Variants in RIN3 observed in about 807,000 individuals in gnomAD.
The protein encoded by RIN3 is Ras and Rab interactor 3.
In RIN3, 54 loss-of-function variants were observed where a neutral mutation model predicts 76.3. The ratio of observed to expected loss-of-function variants is 0.71; its 90% CI spans 0.57 to 0.89. RIN3 has a LOEUF of 0.89. Ranked by LOEUF, RIN3 falls within the 40% of genes least tolerant of loss-of-function variation. The pLI is 0.00. For missense variants in RIN3, 1,256 were observed against 1,322.1 expected (o/e 0.95, Z 0.78); for synonymous variants, 576 against 564.0 (o/e 1.02, Z -0.30).
chr14:92,641,354 G>T (rs572381629), intron 5 of RIN3, 25 bp downstream of exon 5: 2 of 1,569,658 alleles, frequency 1.3e-6, no homozygotes, highest in South Asian at 2.2e-5. Flanking sequence ...AGGGGTTAGG[G>T]GAGCTGGTGG....
intron 1 of RIN3, among the ~76,000 whole-genome samples, chr14:92,517,764 C>G (rs551066339): frequency 6.6e-6 from 1 of 152,322 alleles, no homozygotes; most frequent in South Asian, 2.1e-4. Flanking sequence ...AAAATCACAA[C>G]TTTAATGACT....
At chr14:92,684,385 CAA>C (rs35113092) in intron 8 of RIN3, among the ~76,000 whole-genome samples, 2 of 115,844 alleles carry the variant, frequency 1.7e-5, no homozygotes. Context: ...CAGACTTAGA[CAA>C]AAAAAAAAAA....
intron 1 of RIN3, among the ~76,000 whole-genome samples, chr14:92,516,920 G>A (rs1896457686): frequency 6.6e-6 from 1 of 152,234 alleles, no homozygotes; most frequent in Non-Finnish European, 1.5e-5. Context: ...GAAGCAGAGA[G>A]AGGCATGATA....
At chr14:92,612,228 C>T (rs1885767650) in intron 3 of RIN3, among the ~76,000 whole-genome samples, 1 of 152,184 alleles carries the variant, frequency 6.6e-6, no homozygotes, top group Admixed American at 6.5e-5. Context: ...GCAACAACCT[C>T]GGCACATGCT....
chr14:92,655,034 G>A (rs576923929), intron 6 of RIN3, among the ~76,000 whole-genome samples: 35 of 152,182 alleles, frequency 2.3e-4, no homozygotes, highest in Non-Finnish European at 3.4e-4. Flanking sequence ...GTGTGGTGGC[G>A]CGCACCTGTA....
intron 3 of RIN3, among the ~76,000 whole-genome samples, chr14:92,600,194 C>A (rs1885294324): frequency 6.6e-6 from 1 of 152,202 alleles, no homozygotes; most frequent in Non-Finnish European, 1.5e-5. Context: ...ATGGGCTGAG[C>A]TGAAGGATGC....
At chr14:92,528,960 G>A (rs970229335) in intron 1 of RIN3, among the ~76,000 whole-genome samples, 1 of 152,114 alleles carries the variant, frequency 6.6e-6, no homozygotes, top group African/African-American at 2.4e-5. Context: ...CAGAGGTGAT[G>A]GCCCAGCAGC....
intron 2 of RIN3, among the ~76,000 whole-genome samples, chr14:92,560,380 G>GCT (rs1897729261): frequency 6.6e-6 from 1 of 152,076 alleles, no homozygotes; most frequent in Non-Finnish European, 1.5e-5. Flanking sequence ...TGCCTTCCCT[G>GCT]CTCTCTGCCT....
intron 7 of RIN3, among the ~76,000 whole-genome samples, chr14:92,672,670 G>A (rs974470849): frequency 8.6e-5 from 13 of 152,034 alleles, no homozygotes; most frequent in Non-Finnish European, 1.8e-4. Context: ...ATGTGTGTGT[G>A]TGTGTGTGTG....
chr14:92,544,262 C>T (rs1018873237), intron 1 of RIN3, among the ~76,000 whole-genome samples: 1 of 152,142 alleles, frequency 6.6e-6, no homozygotes, highest in Non-Finnish European at 1.5e-5. Flanking sequence ...GGAGTTCTCC[C>T]AGCCCCAAAT....
chr14:92,577,487 C>A lies in RIN3; in HGVS notation c.367+10C>A. ...AAGGAAGAAAAGTCGAGTAAGTACC[C>A]ATCTTCTCTGTTTTCACTTTGACCA... is the stretch of plus-strand genomic sequence containing the variant. On this transcript the variant is annotated intron_variant, in intron 3 of 9. Transcript: ENST00000216487. 6.4e-7 allele frequency: 1 copy of A among 1,570,576 alleles called. No individual in the cohort carries two copies. Among genetic ancestry groups the A allele is most frequent in the Non-Finnish European group, 8.8e-7 (1 of 1,141,798 alleles).
chr14:92,594,354 C>T (rs1885084097), intron 3 of RIN3, among the ~76,000 whole-genome samples: 4 of 149,996 alleles, frequency 2.7e-5, no homozygotes, highest in Admixed American at 1.3e-4. Context: ...ATCACCTGAA[C>T]CTGGGAGGCA....
chr14:92,560,779 G>A (rs2140040475), intron 2 of RIN3, among the ~76,000 whole-genome samples: 2 of 151,920 alleles, frequency 1.3e-5, no homozygotes, highest in Admixed American at 1.3e-4. Context: ...AGCCCTTTGG[G>A]AGGCCAAGGC....
intron 6 of RIN3, 22 bp downstream of exon 6, chr14:92,653,097 G>A (rs749846846): frequency 1.3e-6 from 2 of 1,585,162 alleles, no homozygotes; most frequent in African/African-American, 2.7e-5. Context: ...GGGAGGAGGT[G>A]GCAGGGAGGA....
chr14:92,624,562 C>T lies in RIN3; in HGVS notation c.440+9083C>T, dbSNP rs1349400268. ...CGACATATTCCCAAGTATGACAAAACGGAAAGCTAAACAAGGTAGAAGCAT... is the reference window on the plus strand; with the variant it reads ...CGACATATTCCCAAGTATGACAAAATGGAAAGCTAAACAAGGTAGAAGCAT... On this transcript the variant is annotated intron_variant, in intron 4 of 9. Transcript: ENST00000216487. 5.3e-5 allele frequency among the ~76,000 whole-genome samples: 8 copies of T among 152,122 alleles called. No homozygotes were observed. In the East Asian group the frequency reaches 5.8e-4, roughly 11 times the overall value.
intron 3 of RIN3, among the ~76,000 whole-genome samples, chr14:92,599,491 A>G (rs965125887): frequency 2.6e-5 from 4 of 152,212 alleles, no homozygotes. Context: ...ACTGTGGGAC[A>G]GCATCACCCC....
chr14:92,534,815 C>G (rs757982032), intron 1 of RIN3, among the ~76,000 whole-genome samples: 6 of 152,094 alleles, frequency 3.9e-5, no homozygotes, highest in Non-Finnish European at 8.8e-5. Context: ...AGATTCATGC[C>G]TGGGTGTCTA....
chr14:92,640,288 C>T (rs191740694), intron 4 of RIN3, among the ~76,000 whole-genome samples: 13 of 116,746 alleles, frequency 1.1e-4, no homozygotes, highest in Admixed American at 2.5e-4. Flanking sequence ...TGGGAGATGC[C>T]TGACTGTGTG....
Position 92,651,692 on chromosome 14 carries a change from C to CGTG in RIN3, c.643_644insGTG (p.His215delinsArgAsp). On this transcript the variant is annotated protein_altering_variant, in exon 6 of 10. Coordinates refer to ENST00000216487, the MANE Select transcript of RIN3 (RefSeq NM_024832.5). ...AGTCTCCAGCCTCAGGCCCACAGCC[C>CGTG]ATGACGCAAACTGTGCCTGTGAAAT... 1 of 1,614,006 alleles carries CGTG rather than the reference C, an allele frequency of 6.2e-7. No individual in the cohort carries two copies. The highest frequency in any genetic ancestry group is 8.5e-7 in the Non-Finnish European group (1 of 1,180,010).
Sources: gnomAD v4.1 joint callset for allele counts (sites outside exome capture counted in the v4.1 genomes callset) on GRCh38, gnomAD v4.1.1 for gene constraint, MANE v1.5 for transcripts, NCBI Gene and HGNC (gene_info 2026-07-23, HGNC 2026-07-21) for gene names.